Variants in IRF8 observed in about 807,000 individuals in gnomAD.
IRF8 encodes interferon consensus sequence binding protein 1.
In IRF8, 14 loss-of-function variants were observed where a neutral mutation model predicts 48.7. The ratio of observed to expected loss-of-function variants is 0.29; its 90% confidence interval spans 0.19 to 0.45. The LOEUF is 0.45. Ranked by LOEUF, IRF8 falls within the 20% of genes least tolerant of loss-of-function variation. The pLI is 1.00. For missense variants in IRF8, 493 were observed against 580.7 expected, an observed-to-expected ratio of 0.85 and a Z score of 1.55; for synonymous variants, 278 against 227.3, an observed-to-expected ratio of 1.22 and a Z score of -2.01.
At chr16:85,920,392 C>G (rs1017818893) in intron 8 of IRF8, among the ~76,000 whole-genome samples, 168 bp downstream of exon 8, 9 of 151,948 alleles carry the variant, frequency 5.9e-5, no homozygotes, top group African/African-American at 1.9e-4. Flanking sequence ...GACTACAGGC[C>G]CGTGCCACCA....
chr16:85,921,244 A>G lies in IRF8; in HGVS notation c.1243A>G (p.Arg415Gly). The G allele has an allele frequency of 6.2e-7, 1 of 1,614,170 alleles. No individual in the cohort carries two copies. The highest frequency in any genetic ancestry group is 8.5e-7 in the Non-Finnish European group (1 of 1,180,052). Reference protein sequence around the residue: ...MFPDICASHQRSFFRENQQIT... With the variant: ...MFPDICASHQGSFFRENQQIT... Reference sequence around the variant, plus strand: ...TCCAGATATTTGTGCCTCACACCAGAGATCATTTTTCAGAGAAAACCAACA... The same window carrying G: ...TCCAGATATTTGTGCCTCACACCAGGGATCATTTTTCAGAGAAAACCAACA... Residue 415 changes from arginine to glycine, a missense_variant, in exon 9 of 9, where the codon AGA becomes GGA. This residue lies in a region of IRF8 where 408 missense variants were observed against 449.6 expected (regional missense o/e 0.91). Transcript: ENST00000268638.
chr16:85,905,929 A>C lies in IRF8; in HGVS notation c.174+2740A>C, dbSNP rs116605790. On this transcript the variant is annotated intron_variant, in intron 2 of 8. Coordinates refer to ENST00000268638, the MANE Select transcript of IRF8 (RefSeq NM_002163.4). ...ATCATCCTGAGGCCGGCCTCATGGT[A>C]TAGATCACAGAAGAGAAATTGAAAA... Among the ~76,000 whole-genome samples the C allele has an allele frequency of 5.7e-3, 861 of 152,340 alleles. 5 individuals are homozygous for C. The highest frequency in any genetic ancestry group is 0.02 in the African/African-American group (833 of 41,570).
At chr16:85,920,890 G>A (rs1228799189) in intron 8 of IRF8, among the ~76,000 whole-genome samples, 2 of 152,152 alleles carry the variant, frequency 1.3e-5, no homozygotes, top group African/African-American at 4.8e-5. Context: ...TCTAATGGTG[G>A]GATCCTGGGT....
Position 85,902,690 on chromosome 16 carries a change from G to C in IRF8, c.-1-325G>C, listed in dbSNP as rs138092969. On this transcript the variant is annotated intron_variant, in intron 1 of 8. Coordinates refer to ENST00000268638, the MANE Select transcript of IRF8 (RefSeq NM_002163.4). ...CCAGTCTTGGGCTAAAACTGGAGCT[G>C]TTCACTGTGGTTGTATCTGCCTGAA... The C allele has an allele frequency of 2.4e-4, 92 of 387,642 alleles. 1 individual carries two copies. The East Asian group carries it at 5.3e-3, about 22-fold the overall frequency. The allele number at this position is 387,642 out of a possible 1,614,324, so 24.0% of individuals were successfully genotyped here.
intron 2 of IRF8, among the ~76,000 whole-genome samples, chr16:85,905,142 C>T (rs1005072183): frequency 1.3e-5 from 2 of 152,190 alleles, no homozygotes; most frequent in Non-Finnish European, 2.9e-5. Flanking sequence ...GTCTTCCCCT[C>T]CCCATTAAGA....
chr16:85,917,097 G>A (rs567750098), intron 6 of IRF8, among the ~76,000 whole-genome samples: 226 of 152,276 alleles, frequency 1.5e-3, no homozygotes, highest in Middle Eastern at 3.4e-3. Context: ...GGTCCAAGGA[G>A]TTCTGAGTGC....
At chr16:85,920,681 C>T (rs16940007) in intron 8 of IRF8, among the ~76,000 whole-genome samples, 2,674 of 152,266 alleles carry the variant, frequency 0.018, 84 homozygotes, top group African/African-American at 0.062. Context: ...ATGCGGGAAG[C>T]GGATTCTTGC....
chr16:85,910,153 C>T (rs535688157), intron 3 of IRF8, among the ~76,000 whole-genome samples: 36 of 152,260 alleles, frequency 2.4e-4, no homozygotes, highest in South Asian at 1.0e-3. Flanking sequence ...GTTGTGTAAT[C>T]GTCATGAAGG....
At chr16:85,903,315 A>T (rs1337917115) in intron 2 of IRF8, 126 bp downstream of exon 2, 11 of 933,458 alleles carry the variant, frequency 1.2e-5, no homozygotes, top group Admixed American at 2.0e-5. Context: ...AAAAGCAAAC[A>T]TTGGTTCAGG....
In IRF8 at chr16:85,921,609, T is replaced by C; in HGVS notation, c.*327T>C. On this transcript the variant is annotated 3_prime_UTR_variant, in exon 9 of 9. Transcript: ENST00000268638. ...AACTATCATTTCCAAAGACTTGTCA[T>C]TCAGTAATATTAGCAGATAGCTGCT... The C allele has an allele frequency of 8.2e-6, 3 of 365,646 alleles. No homozygotes were observed. Among genetic ancestry groups the C allele is most frequent in the Non-Finnish European group, 1.5e-5 (3 of 193,602 alleles). The allele number at this position is 365,646 out of a possible 1,614,324, so 22.7% of individuals were successfully genotyped here. A position where few individuals can be genotyped will look rare whatever the true frequency, so the allele number is the denominator to read the frequency against.
chr16:85,919,811 C>T (rs972303470), intron 7 of IRF8, among the ~76,000 whole-genome samples: 1 of 152,250 alleles, frequency 6.6e-6, no homozygotes, highest in African/African-American at 2.4e-5. Context: ...TCAGTTGCCT[C>T]CAAGGGCCAG....
chr16:85,919,183 T>G (rs974930192), intron 7 of IRF8, among the ~76,000 whole-genome samples: 1 of 152,168 alleles, frequency 6.6e-6, no homozygotes, highest in African/African-American at 2.4e-5. Flanking sequence ...CGAACCTGCA[T>G]CTTAGCAAGG....
rs1421798138 is a variant in IRF8, at chr16:85,922,243, TGA to T, written c.*965_*966del. On this transcript the variant is annotated 3_prime_UTR_variant, in exon 9 of 9. Transcript: ENST00000268638. ...AAGTCTCATGGTGGATTTGTGACTG[TGA>T]GAGTTTCCGGTTTAAAATCTGAAAA... 6.6e-6 allele frequency: 1 copy of T among 152,336 alleles called. No individual in the cohort carries two copies. Among genetic ancestry groups the T allele is most frequent in the Non-Finnish European group, 1.5e-5 (1 of 68,040 alleles). 9.4% of individuals were successfully genotyped at this position (152,336 alleles called of 1,614,324 possible).
intron 2 of IRF8, among the ~76,000 whole-genome samples, chr16:85,908,264 C>G (rs1254450448): frequency 6.6e-6 from 1 of 152,184 alleles, no homozygotes; most frequent in Non-Finnish European, 1.5e-5. Context: ...TAAAATCTGT[C>G]CATTCACCTG....
At chr16:85,918,369 C>G (rs747919479) in intron 6 of IRF8, 48 bp from the exon 7 acceptor site, 1 of 1,578,202 alleles carries the variant, frequency 6.3e-7, no homozygotes, top group East Asian at 2.2e-5. Context: ...CAGGAGGGAC[C>G]CTGTATGTCT....
chr16:85,913,682 A>G (rs1905213201), intron 5 of IRF8, among the ~76,000 whole-genome samples: 1 of 152,244 alleles, frequency 6.6e-6, no homozygotes, highest in African/African-American at 2.4e-5. Context: ...GGAGGAGAGG[A>G]GAACTCAGAC....
At chr16:85,902,566 G>A (rs1361009956) in intron 1 of IRF8, 5 of 253,294 alleles carry the variant, frequency 2.0e-5, no homozygotes, top group Non-Finnish European at 3.9e-5. Flanking sequence ...ATCAGGGAAT[G>A]TGGGGCCAGC....
chr16:85,902,404 G>C (rs1453195086), intron 1 of IRF8, among the ~76,000 whole-genome samples: 3 of 152,218 alleles, frequency 2.0e-5, no homozygotes. Flanking sequence ...TGCTGATCCA[G>C]CGTCTCCCAG....
intron 3 of IRF8, 150 bp from the exon 4 acceptor site, chr16:85,911,419 GA>G (rs972038849): frequency 8.6e-6 from 6 of 696,430 alleles, no homozygotes; most frequent in Non-Finnish European, 1.3e-5. Context: ...TGAAGCATGG[GA>G]AAAAAATTCT....
Sources: gnomAD v4.1 joint callset for allele counts (sites outside exome capture counted in the v4.1 genomes callset) on GRCh38, gnomAD v4.1.1 for gene constraint, gnomAD v4.1.1 regional missense constraint, MANE v1.5 for transcripts, NCBI Gene and HGNC (gene_info 2026-07-23, HGNC 2026-07-21) for gene names.